LYST: variants seen among roughly 807,000 people sequenced by gnomAD.
LYST encodes lysosomal-trafficking regulator.
In LYST, 192 loss-of-function variants were observed where a neutral mutation model predicts 413.6. The observed-to-expected ratio is 0.46, with a 90% CI of 0.41 to 0.52. The LOEUF is 0.52. Among genes scored for constraint, LYST ranks in the 20% least tolerant of loss-of-function variants. The probability of loss-of-function intolerance (pLI) is 0.00; values close to 1 mark genes in which losing one functional copy is unlikely to be tolerated. For missense variants in LYST, 3,815 were observed against 4,499.9 expected (o/e 0.85, Z 4.35); for synonymous variants, 1,525 against 1,567.3 (o/e 0.97, Z 0.64).
intron 38 of LYST, among the ~76,000 whole-genome samples, chr1:235,725,613 GCTGTGAAA>G (rs1342992518): frequency 6.6e-6 from 1 of 152,128 alleles, no homozygotes; most frequent in Non-Finnish European, 1.5e-5. Context: ...AAACGCCCGA[GCTGTGAAA>G]CAGTTCTCAT....
intron 6 of LYST, among the ~76,000 whole-genome samples, chr1:235,805,161 T>C (rs1231138788): frequency 1.3e-5 from 2 of 152,278 alleles, no homozygotes; most frequent in East Asian, 3.9e-4. Context: ...AGTTGAGAAA[T>C]GATCTCAGGA....
chr1:235,686,915 T>G lies in LYST; in HGVS notation c.10800+34A>C. On this transcript the variant is annotated intron_variant, in intron 48 of 52. Coordinates refer to ENST00000389793, the MANE Select transcript of LYST (RefSeq NM_000081.4). This position sits in a 1 kb window ranked among gnomAD's most constrained non-coding sequence, Gnocchi z 4.0. ...GGCTTTCTTCCCCTCATTGACAAAG[T>G]CCCATACTACCCACACAGAAGCCCA... The G allele has an allele frequency of 6.7e-7, 1 of 1,484,636 alleles. No homozygotes were observed. Among genetic ancestry groups the G allele is most frequent in the Non-Finnish European group, 9.4e-7 (1 of 1,061,826 alleles). 92.0% of individuals were successfully genotyped at this position (1,484,636 alleles called of 1,614,324 possible).
chr1:235,689,645 A>C (rs1428728629), intron 47 of LYST, among the ~76,000 whole-genome samples: 1 of 152,238 alleles, frequency 6.6e-6, no homozygotes, highest in Non-Finnish European at 1.5e-5. Flanking sequence ...AGTAGATCTT[A>C]AATATTCTCA....
chr1:235,743,718 G>A (rs534106725), intron 30 of LYST, among the ~76,000 whole-genome samples: 1 of 152,186 alleles, frequency 6.6e-6, no homozygotes, highest in African/African-American at 2.4e-5. Flanking sequence ...CTTTTCTGAT[G>A]CTGATCTTAC....
Position 235,716,793 on chromosome 1 carries a change from C to A in LYST, c.9561-15G>T, listed in dbSNP as rs1264367156. 6.7e-7 allele frequency: 1 copy of A among 1,486,448 alleles called. No individual in the cohort carries two copies. Among genetic ancestry groups the A allele is most frequent in the Non-Finnish European group, 9.4e-7 (1 of 1,064,604 alleles). The allele number at this position is 1,486,448 out of a possible 1,614,324, so 92.1% of individuals were successfully genotyped here. A position where few individuals can be genotyped will look rare whatever the true frequency, so the allele number is the denominator to read the frequency against. ...TAGAGAGATTTCTGCAAGAAAAGGA[C>A]AATTTTAAAAATTAAATATTTTGAT... is the stretch of plus-strand genomic sequence containing the variant. On this transcript the variant is annotated splice_polypyrimidine_tract_variant and intron_variant, in intron 40 of 52. Coordinates refer to ENST00000389793, the MANE Select transcript of LYST (RefSeq NM_000081.4).
rs1227257249 is a variant in LYST at position 235,733,640 on chromosome 1, T to C, written c.8664A>G (p.Ala2888=). Residue 2888 remains alanine (A), a synonymous_variant, in exon 34 of 53, where the codon GCA becomes GCG. Transcript: ENST00000389793. ...SKSKDISKIA[A]DITQAVSLSQ... is the part of the protein sequence containing the mutation. ...AGAGAGACACTGCCTGGGTGATATCTGCAGCTATTTTAGATATATCCTTTG... is the reference window on the plus strand; with the variant it reads ...AGAGAGACACTGCCTGGGTGATATCCGCAGCTATTTTAGATATATCCTTTG... The C allele has an allele frequency of 1.2e-6, 2 of 1,613,840 alleles. No individual in the cohort carries two copies.
chr1:235,768,234 C>T (rs188842161), intron 20 of LYST, among the ~76,000 whole-genome samples: 52 of 152,070 alleles, frequency 3.4e-4, no homozygotes, highest in African/African-American at 1.2e-3. Flanking sequence ...TTTCTGGTCT[C>T]CCGGCTTGAA....
At chr1:235,847,297 A>C (rs1301870748) in intron 1 of LYST, among the ~76,000 whole-genome samples, 2 of 152,190 alleles carry the variant, frequency 1.3e-5, no homozygotes, top group Non-Finnish European at 2.9e-5. Context: ...TATGAAGGAA[A>C]GATACAGTCT....
intron 37 of LYST, among the ~76,000 whole-genome samples, chr1:235,728,831 T>C (rs1421468982): frequency 6.6e-6 from 1 of 152,162 alleles, no homozygotes; most frequent in Non-Finnish European, 1.5e-5. Context: ...TGAAGCTCCA[T>C]ATCTTGGACC....
At chr1:235,788,669 T>C in intron 13 of LYST, 32 bp downstream of exon 13, 1 of 1,601,548 alleles carries the variant, frequency 6.2e-7, no homozygotes, top group Non-Finnish European at 8.6e-7. Context: ...AAATACATTA[T>C]CTATTCATGG....
At chr1:235,668,031 A>G (rs1658639252) in intron 50 of LYST, among the ~76,000 whole-genome samples, 1 of 152,174 alleles carries the variant, frequency 6.6e-6, no homozygotes, top group Non-Finnish European at 1.5e-5. Context: ...CTATATAAAT[A>G]GTTGTTATAC....
chr1:235,792,846 T>C (rs573602393), intron 11 of LYST, among the ~76,000 whole-genome samples: 1 of 151,908 alleles, frequency 6.6e-6, no homozygotes, highest in South Asian at 2.1e-4. Flanking sequence ...GTATTTTTAG[T>C]AGAGACGGGG....
chr1:235,710,707 T>C (rs74148753), intron 43 of LYST, among the ~76,000 whole-genome samples: 8,691 of 152,262 alleles, frequency 0.057, 846 homozygotes, highest in African/African-American at 0.2. Flanking sequence ...GGGAAGACAC[T>C]TGTGACTGCC....
chr1:235,850,623 T>G (rs547219908), intron 1 of LYST, among the ~76,000 whole-genome samples: 20 of 152,300 alleles, frequency 1.3e-4, no homozygotes, highest in Non-Finnish European at 2.5e-4. Context: ...CTTCACAATC[T>G]ATACATCTGA....
chr1:235,791,953 C>A lies in LYST; in HGVS notation c.4289G>T (p.Arg1430Leu). The part of the protein sequence containing the change: ...SKAMGLLRRA[R>L]VSRSKKEADR... Reference sequence around the variant, plus strand: ...AGCCTCTTTCTTGCTCCGTGAAACTCGTGCTCTTCTCAATAAACCCATGGC... The same window carrying A: ...AGCCTCTTTCTTGCTCCGTGAAACTAGTGCTCTTCTCAATAAACCCATGGC... Residue 1430 changes from arginine (R) to leucine (L), a missense_variant, in exon 12 of 53, where the codon CGA (arginine) becomes CTA (leucine). Coordinates refer to ENST00000389793, the MANE Select transcript of LYST (RefSeq NM_000081.4). 6.2e-7 allele frequency: 1 copy of A among 1,614,140 alleles called. No homozygotes were observed. The highest frequency in any genetic ancestry group is 8.5e-7 in the Non-Finnish European group (1 of 1,180,010).
In LYST at chr1:235,810,042, T is replaced by C; in HGVS notation, c.776A>G (p.His259Arg). Residue 259 changes from histidine (H) to arginine (R), a missense_variant, in exon 5 of 53, where the codon CAT (histidine) becomes CGT (arginine). His to Arg is a conservative substitution (Grantham distance 29). Around this residue, in one of 4 missense-constraint regions of LYST, gnomAD observed 1,648 missense variants for 1,810.3 expected, o/e 0.91. Transcript: ENST00000389793. Reference sequence around the variant, plus strand: ...TTTTTCTAATAAAGATAACAAAACATGACATAAGTCAAATGGAGAATTGTT... The same window carrying C: ...TTTTTCTAATAAAGATAACAAAACACGACATAAGTCAAATGGAGAATTGTT... ...NMNNSPFDLCHVLLSLLEKVC... is the reference protein window; with the variant it reads ...NMNNSPFDLCRVLLSLLEKVC... 1.2e-6 allele frequency: 2 copies of C among 1,614,030 alleles called. No individual in the cohort carries two copies. The highest frequency in any genetic ancestry group is 1.7e-6 in the Non-Finnish European group (2 of 1,179,960).
At position 235,686,635 on chromosome 1, in the gene LYST, T is replaced by C. The variant is rs1660244762; in HGVS notation, c.10800+314A>G. On this transcript the variant is annotated intron_variant, in intron 48 of 52. Coordinates refer to ENST00000389793, the MANE Select transcript of LYST (RefSeq NM_000081.4). The surrounding 1 kb of genome is among the most constrained non-coding windows in gnomAD (Gnocchi z 4.0). ...TCTAAGCTTTCAAACTGATAGACTC[T>C]TACAGTATACTCCTAAGGATTCAGG... 6.6e-6 allele frequency among the ~76,000 whole-genome samples: 1 copy of C among 152,176 alleles called. No homozygotes were observed. Among genetic ancestry groups the C allele is most frequent in the Admixed American group, 6.5e-5 (1 of 15,290 alleles).
At chr1:235,724,919 T>TA (rs1663716875) in intron 38 of LYST, among the ~76,000 whole-genome samples, 1 of 152,204 alleles carries the variant, frequency 6.6e-6, no homozygotes, top group Non-Finnish European at 1.5e-5. Context: ...CAGGGAGTGA[T>TA]ACTCTGGTTG....
At position 235,759,310 on chromosome 1, in the gene LYST, G is replaced by C. The variant is rs1402685168; in HGVS notation, c.6543C>G (p.Leu2181=). Residue 2181 remains leucine, a synonymous_variant, in exon 23 of 53, where the codon CTC becomes CTG. Transcript: ENST00000389793. ...CATCACTGACAGAGACCTGGGCTGA[G>C]AGGACAGCTTCCATTTCACAAACAG... is the stretch of plus-strand genomic sequence containing the variant. The part of the protein sequence containing the change: ...AKTVCEMEAV[L]SAQVSVSDVP... The C allele has an allele frequency of 6.2e-7, 1 of 1,614,158 alleles. No homozygotes were observed. The highest frequency in any genetic ancestry group is 1.7e-5 in the Admixed American group (1 of 60,020).
Sources: gnomAD v4.1 joint callset for allele counts (sites outside exome capture counted in the v4.1 genomes callset) on GRCh38, gnomAD v4.1.1 for gene constraint, gnomAD v4.1.1 regional missense constraint, Gnocchi (gnomAD v3.1) non-coding constraint, MANE v1.5 for transcripts, NCBI Gene and HGNC (gene_info 2026-07-23, HGNC 2026-07-21) for gene names.